IGBP1: variants seen among roughly 807,000 people sequenced by gnomAD.
IGBP1 encodes the protein immunoglobulin binding protein 1.
Under a neutral mutation model 25.9 loss-of-function variants are expected in IGBP1, and 2 were observed. That is an observed-to-expected ratio of 0.08 (90% CI 0.03 to 0.24). The LOEUF is 0.24. Ranked by LOEUF, IGBP1 falls within the 10% of genes least tolerant of loss-of-function variation. IGBP1 has a pLI of 1.00. For missense variants in IGBP1, 187 were observed against 260.4 expected (o/e 0.72, Z 1.94); for synonymous variants, 96 against 93.4 (o/e 1.03, Z -0.16).
At chrX:70,148,606 C>T (rs1416069362) in intron 4 of IGBP1, 155 bp from the exon 5 acceptor site, 4 of 486,576 alleles carry the variant, frequency 8.2e-6, no homozygotes, top group Non-Finnish European at 1.5e-5. Flanking sequence ...GGAATCTCTA[C>T]CGTTAGTGTT....
In IGBP1 at chrX:70,133,910, C is replaced by G. The variant is rs1328486004; in HGVS notation, c.-38C>G. ...CTTCTTTATCAAGGTTGCCTTTGAC[C>G]CCGGAAAAGAGATCTTCCGGGTTCC... On this transcript the variant is annotated 5_prime_UTR_variant, in exon 2 of 7. Coordinates refer to ENST00000356413, the MANE Select transcript of IGBP1 (RefSeq NM_001551.3). 3 of 1,180,922 alleles carry G rather than the reference C, an allele frequency of 2.5e-6. No homozygotes were observed. The highest frequency in any genetic ancestry group is 3.4e-6 in the Non-Finnish European group (3 of 872,588).
intron 3 of IGBP1, among the ~76,000 whole-genome samples, chrX:70,144,650 C>CTTTT (rs138993842): frequency 7.2e-5 from 2 of 27,738 alleles, no homozygotes; most frequent in African/African-American, 3.1e-4. Context: ...TGGTTCTTGA[C>CTTTT]TTTTTTTTTT....
At chrX:70,151,194 C>G (rs1332745653) in intron 6 of IGBP1, among the ~76,000 whole-genome samples, 1 of 111,654 alleles carries the variant, frequency 9.0e-6, no homozygotes, top group Non-Finnish European at 1.9e-5. Flanking sequence ...CTCCTGACCT[C>G]AGGTGATCGG....
chrX:70,145,655 C>CT (rs372796249), intron 3 of IGBP1, among the ~76,000 whole-genome samples: 3 of 111,692 alleles, frequency 2.7e-5, no homozygotes, highest in African/African-American at 9.8e-5. Context: ...TTCTATCACT[C>CT]TTTTTTATCT....
At chrX:70,151,027 C>G (rs2147581234) in intron 6 of IGBP1, among the ~76,000 whole-genome samples, 1 of 108,952 alleles carries the variant, frequency 9.2e-6, no homozygotes, top group African/African-American at 3.4e-5. Context: ...ATGGCGCGAT[C>G]TTGGCTCACT....
At position 70,156,296 on chromosome X, in the gene IGBP1, A is replaced by T. The variant is rs754340150; in HGVS notation, c.871+5974A>T. ...CAAACCTTCAATTTGTTAAAAAAAA[A>T]AAAAAAAAAAAAAGTCTCTGCAAAG... is the stretch of plus-strand genomic sequence containing the variant. On this transcript the variant is annotated intron_variant, in intron 6 of 6. Transcript: ENST00000356413. Among the ~76,000 whole-genome samples the T allele has an allele frequency of 2.7e-4, 29 of 109,205 alleles. No individual in the cohort carries two copies. In the East Asian group the frequency reaches 4.0e-3, roughly 15 times the overall value. 94.8% of individuals were successfully genotyped at this position (109,205 alleles called of 115,157 possible).
chrX:70,151,684 C>G (rs891102418), intron 6 of IGBP1, among the ~76,000 whole-genome samples: 4 of 110,968 alleles, frequency 3.6e-5, no homozygotes, highest in Non-Finnish European at 7.6e-5. Context: ...TCGAGACCAG[C>G]CTGAGCAATA....
At chrX:70,149,905 A>G (rs1221412603) in intron 5 of IGBP1, among the ~76,000 whole-genome samples, 1 of 111,308 alleles carries the variant, frequency 9.0e-6, no homozygotes, top group Non-Finnish European at 1.9e-5. Context: ...CCAACTATAA[A>G]TACCCATTCC....
intron 4 of IGBP1, among the ~76,000 whole-genome samples, chrX:70,147,414 C>T (rs1347892661): frequency 9.2e-6 from 1 of 108,859 alleles, no homozygotes; most frequent in African/African-American, 3.4e-5. Flanking sequence ...CAGAATGAGA[C>T]TCCATCTCAA....
chrX:70,149,938 G>C (rs2085192278), intron 5 of IGBP1, among the ~76,000 whole-genome samples: 1 of 110,919 alleles, frequency 9.0e-6, no homozygotes, highest in South Asian at 3.8e-4. Flanking sequence ...CTGCTTTGTG[G>C]AGCATTGCCC....
At chrX:70,142,474 C>T (rs1038670650) in intron 3 of IGBP1, among the ~76,000 whole-genome samples, 6 of 110,714 alleles carry the variant, frequency 5.4e-5, no homozygotes, top group Admixed American at 2.9e-4. Context: ...GAGTGAGGCC[C>T]GGAAGAATGT....
At chrX:70,134,162 T>A (rs2147563221) in intron 2 of IGBP1, 27 bp downstream of exon 2, 1 of 1,180,831 alleles carries the variant, frequency 8.5e-7, no homozygotes, top group East Asian at 3.0e-5. Context: ...TAATAATGGC[T>A]GAGAACGAAG....
chrX:70,160,823 G>A (rs544235048), intron 6 of IGBP1, among the ~76,000 whole-genome samples: 11 of 112,267 alleles, frequency 9.8e-5, no homozygotes, highest in African/African-American at 2.9e-4. Context: ...TATTGGTGGA[G>A]TGTCAAAGTT....
In IGBP1 at chrX:70,134,091, C is replaced by G; in HGVS notation, c.144C>G (p.Leu48=). 8.3e-7 allele frequency: 1 copy of G among 1,211,967 alleles called. No individual in the cohort carries two copies. ...VQEKVFKGLD[L]LEKAAEMLSQ... is the part of the protein sequence containing the mutation. ...AGAAGGTGTTCAAGGGCTTGGACCTCCTTGAGAAGGCTGCCGAAATGTTAT... is the reference window on the plus strand; with the variant it reads ...AGAAGGTGTTCAAGGGCTTGGACCTGCTTGAGAAGGCTGCCGAAATGTTAT... The change falls in exon 2 of 7, where the codon CTC becomes CTG. Residue 48 remains leucine, a synonymous_variant. Coordinates refer to ENST00000356413, the MANE Select transcript of IGBP1 (RefSeq NM_001551.3).
intron 6 of IGBP1, among the ~76,000 whole-genome samples, chrX:70,153,534 CAG>C (rs977292450): frequency 4.4e-5 from 5 of 112,371 alleles, no homozygotes; most frequent in Non-Finnish European, 9.4e-5. Flanking sequence ...GCAAAAAGGA[CAG>C]GGTAAATGGA....
At chrX:70,161,544 A>C (rs2085270725) in intron 6 of IGBP1, among the ~76,000 whole-genome samples, 1 of 111,650 alleles carries the variant, frequency 9.0e-6, no homozygotes, top group African/African-American at 3.3e-5. Context: ...AAGCCATTCT[A>C]AGTTGAAAAT....
chrX:70,148,608 G>A lies in IGBP1; in HGVS notation c.679-153G>A, dbSNP rs748766452. ...TCAGGAGAGCTAAGGAATCTCTACC[G>A]TTAGTGTTCTGCTGCTATATCTTAG... On this transcript the variant is annotated intron_variant, in intron 4 of 6. Transcript: ENST00000356413. 135 of 490,688 alleles carry A rather than the reference G, an allele frequency of 2.8e-4. 1 individual carries two copies. Among genetic ancestry groups the A allele is most frequent in the Non-Finnish European group, 3.7e-4 (101 of 273,404 alleles). 40.4% of individuals were successfully genotyped at this position (490,688 alleles called of 1,213,427 possible).
intron 6 of IGBP1, chrX:70,165,266 A>C (rs953742440): frequency 2.5e-5 from 3 of 118,472 alleles, no homozygotes; most frequent in Admixed American, 8.6e-5. Flanking sequence ...TTTGGACCTC[A>C]GAGCCTATTT....
At chrX:70,137,751 C>CA (rs752550128) in intron 3 of IGBP1, among the ~76,000 whole-genome samples, 4,698 of 21,657 alleles carry the variant, frequency 0.22, 229 homozygotes, top group Middle Eastern at 0.38. Context: ...AATAATTATA[C>CA]AAAAAAAAAA....
Sources: allele counts gnomAD v4.1 joint callset (sites outside exome capture counted in the v4.1 genomes callset), GRCh38; gene constraint gnomAD v4.1.1; transcripts MANE v1.5; gene names NCBI Gene and HGNC (gene_info 2026-07-23, HGNC 2026-07-21).